Variants in NODAL observed in about 807,000 individuals in gnomAD.
The protein encoded by NODAL is nodal homolog.
NODAL carries 12 observed loss-of-function variants against 34.0 expected under a neutral mutation model. That is an observed-to-expected ratio of 0.35 (90% CI 0.23 to 0.57). NODAL has a LOEUF of 0.57. Ranked by LOEUF, NODAL falls within the 20% of genes least tolerant of loss-of-function variation. The pLI is 0.83. For synonymous variants in NODAL, 162 were observed against 186.4 expected, an observed-to-expected ratio of 0.87 and a Z score of 1.07; for missense variants, 390 against 444.2, an observed-to-expected ratio of 0.88 and a Z score of 1.10.
chr10:70,440,867 A>G (rs1845421958), intron 1 of NODAL, among the ~76,000 whole-genome samples: 1 of 152,108 alleles, frequency 6.6e-6, no homozygotes, highest in African/African-American at 2.4e-5. Flanking sequence ...GTGAGCCCGA[A>G]TCCCCGATGT....
intron 1 of NODAL, chr10:70,436,374 A>G (rs1171944523): frequency 6.3e-6 from 2 of 319,476 alleles, no homozygotes; most frequent in African/African-American, 2.2e-5. Context: ...CCTCCCATAC[A>G]TGAAGTCTGA....
intron 1 of NODAL, chr10:70,447,843 C>T: frequency 2.1e-6 from 1 of 470,752 alleles, no homozygotes; most frequent in South Asian, 1.6e-5. Context: ...TATAACTGCC[C>T]ACTGTTTGCT....
chr10:70,437,962 C>G (rs1030293374), intron 1 of NODAL, among the ~76,000 whole-genome samples: 1 of 152,150 alleles, frequency 6.6e-6, no homozygotes, highest in Non-Finnish European at 1.5e-5. Context: ...CTGCTGCCAC[C>G]TGTACCTGGA....
At position 70,441,629 on chromosome 10, in the gene NODAL, C is replaced by A; in HGVS notation, c.39G>T (p.Trp13Cys). Residue 13 changes from tryptophan (W) to cysteine (C), a missense_variant, in exon 1 of 3, where the codon TGG (tryptophan) becomes TGT (cysteine). Trp to Cys is a radical substitution (Grantham distance 215). Transcript: ENST00000287139. Reference sequence around the variant, plus strand: ...CAGCACCCGCCTGGAGTAGGGCCCACCAGGCGTGCAGAAGGAAGGGCAGGC... The same window carrying A: ...CAGCACCCGCCTGGAGTAGGGCCCAACAGGCGTGCAGAAGGAAGGGCAGGC... Reference protein sequence around the residue: ...AHCLPFLLHAWWALLQAGAAT... With the variant: ...AHCLPFLLHACWALLQAGAAT... The A allele has an allele frequency of 6.4e-7, 1 of 1,552,122 alleles. No homozygotes were observed. Among genetic ancestry groups the A allele is most frequent in the African/African-American group, 1.4e-5 (1 of 73,322 alleles).
intron 2 of NODAL, 53 bp downstream of exon 2, chr10:70,435,233 G>T: frequency 6.8e-7 from 1 of 1,467,278 alleles, no homozygotes; most frequent in Non-Finnish European, 9.4e-7. Flanking sequence ...CTAGAGCCCT[G>T]TCCCCCAAGG....
Position 70,435,924 on chromosome 10 carries a change from G to C in NODAL, c.253C>G (p.Gln85Glu). The C allele has an allele frequency of 6.2e-7, 1 of 1,614,194 alleles. No individual in the cohort carries two copies. The highest frequency in any genetic ancestry group is 1.6e-4 in the Middle Eastern group (1 of 6,062). Reference protein sequence around the residue: ...FAFDFSFLSQQEDLAWAELRL... With the variant: ...FAFDFSFLSQEEDLAWAELRL... Reference sequence around the variant, plus strand: ...AGCTCAGCCCATGCCAGATCCTCTTGTTGGCTCAGGAAGGAGAAGTCAAAA... The same window carrying C: ...AGCTCAGCCCATGCCAGATCCTCTTCTTGGCTCAGGAAGGAGAAGTCAAAA... The change falls in exon 2 of 3, where the codon CAA becomes GAA. Residue 85 changes from glutamine to glutamate, a missense_variant. By Grantham distance (29) the Gln-to-Glu change is conservative (BLOSUM62 2). Coordinates refer to ENST00000287139, the MANE Select transcript of NODAL (RefSeq NM_018055.5).
At chr10:70,437,624 T>C (rs1339869603) in intron 1 of NODAL, among the ~76,000 whole-genome samples, 14 of 152,208 alleles carry the variant, frequency 9.2e-5, no homozygotes, top group Non-Finnish European at 2.1e-4. Flanking sequence ...ACAGGGCATT[T>C]ATAATTCTTT....
At chr10:70,433,134 G>T (rs779188860) in intron 2 of NODAL, 46 bp from the exon 3 acceptor site, 1 of 1,607,592 alleles carries the variant, frequency 6.2e-7, no homozygotes. Context: ...CTGATGGGCA[G>T]GTCAGAATAG....
At chr10:70,444,495 C>T (rs1306030619), upstream of NODAL, among the ~76,000 whole-genome samples, 6 of 152,128 alleles carry the variant, frequency 3.9e-5, no homozygotes, top group African/African-American at 1.4e-4. Flanking sequence ...GCACATGCCA[C>T]CACGCCTGGC....
At position 70,432,388 on chromosome 10, in the gene NODAL, G is replaced by C; in HGVS notation, c.*548C>G. The C allele has an allele frequency of 5.3e-6, 1 of 188,286 alleles. No individual in the cohort carries two copies. Among genetic ancestry groups the C allele is most frequent in the Non-Finnish European group, 1.1e-5 (1 of 89,112 alleles). 11.7% of individuals were successfully genotyped at this position (188,286 alleles called of 1,614,324 possible). ...TCCAGTGAGCCTCTGGACAAGGCCA[G>C]TAGATTGCCACTGGCCAGCCAGAAA... On this transcript the variant is annotated 3_prime_UTR_variant, in exon 3 of 3. Coordinates refer to ENST00000287139, the MANE Select transcript of NODAL (RefSeq NM_018055.5).
At chr10:70,437,734 A>C (rs1284720404) in intron 1 of NODAL, among the ~76,000 whole-genome samples, 1 of 152,194 alleles carries the variant, frequency 6.6e-6, no homozygotes, top group African/African-American at 2.4e-5. Flanking sequence ...CTTTGGTCAG[A>C]GAGGAAGTGA....
At chr10:70,446,588 C>T (rs10762381), upstream of NODAL, among the ~76,000 whole-genome samples, 66,697 of 151,892 alleles carry the variant, frequency 0.44, 15,650 homozygotes, top group East Asian at 0.66. Context: ...GAGTCTCTGG[C>T]AGGCTGACTT....
upstream of NODAL, among the ~76,000 whole-genome samples, chr10:70,444,202 G>A (rs533723884): frequency 6.6e-6 from 1 of 152,194 alleles, no homozygotes; most frequent in African/African-American, 2.4e-5. Context: ...CAAAGTGCTG[G>A]GATTACAGGC....
Position 70,435,351 on chromosome 10 carries a change from A to G in NODAL, c.826T>C (p.Cys276Arg). The G allele has an allele frequency of 1.2e-6, 2 of 1,614,140 alleles. No individual in the cohort carries two copies. The highest frequency in any genetic ancestry group is 1.7e-6 in the Non-Finnish European group (2 of 1,180,014). Residue 276 changes from cysteine to arginine, a missense_variant, in exon 2 of 3, where the codon TGT becomes CGT. By Grantham distance (180) the Cys-to-Arg change is radical. Coordinates refer to ENST00000287139, the MANE Select transcript of NODAL (RefSeq NM_018055.5). The part of the protein sequence containing the change: ...IYPKQYNAYR[C>R]EGECPNPVGE... Reference sequence around the variant, plus strand: ...ACAGGATTAGGACACTCGCCCTCACAGCGATAGGCGTTGTACTGCTTGGGG... The same window carrying G: ...ACAGGATTAGGACACTCGCCCTCACGGCGATAGGCGTTGTACTGCTTGGGG...
At position 70,435,979 on chromosome 10, in the gene NODAL, C is replaced by T. The variant is rs138802450; in HGVS notation, c.198G>A (p.Val66=). 1 of 1,614,026 alleles carries T rather than the reference C, an allele frequency of 6.2e-7. No homozygotes were observed. The highest frequency in any genetic ancestry group is 1.3e-5 in the African/African-American group (1 of 74,934). ...DIIRSLQAED[V]AVDGQNWTFA... Reference sequence around the variant, plus strand: ...ACGTCCAGTTCTGCCCATCCACTGCCACATCTGGGTAGGAGAAAACCAAGA... The same window carrying T: ...ACGTCCAGTTCTGCCCATCCACTGCTACATCTGGGTAGGAGAAAACCAAGA... Residue 66 remains valine (V), a synonymous_variant, in exon 2 of 3, where the codon GTG becomes GTA. Coordinates refer to ENST00000287139, the MANE Select transcript of NODAL (RefSeq NM_018055.5).
At chr10:70,447,842 C>T (rs1845505346) in intron 1 of NODAL, 4 of 470,490 alleles carry the variant, frequency 8.5e-6, no homozygotes, top group South Asian at 6.2e-5. Context: ...TTATAACTGC[C>T]CACTGTTTGC....
chr10:70,446,148 CCTT>C (rs1845485191), upstream of NODAL, among the ~76,000 whole-genome samples: 1 of 152,198 alleles, frequency 6.6e-6, no homozygotes, highest in Admixed American at 6.5e-5. Flanking sequence ...AGGAATGACA[CCTT>C]CTCGTTTCCT....
upstream of NODAL, among the ~76,000 whole-genome samples, chr10:70,443,130 T>C (rs1249622957): frequency 1.3e-5 from 2 of 151,852 alleles, no homozygotes; most frequent in Non-Finnish European, 2.9e-5. Context: ...AAAAGAACCA[T>C]AGGCTGCGAC....
intron 2 of NODAL, among the ~76,000 whole-genome samples, 189 bp from the exon 3 acceptor site, chr10:70,433,277 G>T (rs967007877): frequency 6.6e-6 from 1 of 152,018 alleles, no homozygotes; most frequent in Non-Finnish European, 1.5e-5. Context: ...ACTACCTTTA[G>T]CTCTGTGCTT....
Sources: gnomAD v4.1 joint callset for allele counts (sites outside exome capture counted in the v4.1 genomes callset) on GRCh38, gnomAD v4.1.1 for gene constraint, MANE v1.5 for transcripts, NCBI Gene and HGNC (gene_info 2026-07-23, HGNC 2026-07-21) for gene names.